Variants in GPCPD1 observed in about 807,000 individuals in gnomAD.
The protein encoded by GPCPD1 is glycerophosphocholine phosphodiesterase GPCPD1.
Under a neutral mutation model 89.2 loss-of-function variants are expected in GPCPD1, and 29 were observed. The observed-to-expected ratio is 0.33, with a 90% CI of 0.24 to 0.44. The LOEUF (loss-of-function observed/expected upper bound fraction) is 0.44, where lower values mean the gene tolerates loss of function less well. Among genes scored for constraint, GPCPD1 ranks in the 20% least tolerant of loss-of-function variants. GPCPD1 has a pLI of 1.00. For synonymous variants in GPCPD1, 258 were observed against 266.3 expected, an observed-to-expected ratio of 0.97 and a Z score of 0.30; for missense variants, 594 against 808.9, an observed-to-expected ratio of 0.73 and a Z score of 3.22.
At chr20:5,576,050 C>T (rs1272681626) in intron 8 of GPCPD1, 72 bp from the exon 9 acceptor site, 3 of 637,372 alleles carry the variant, frequency 4.7e-6, no homozygotes, top group Non-Finnish European at 8.3e-6. Context: ...TACACACACA[C>T]ACACACACAC....
intron 9 of GPCPD1, 96 bp from the exon 10 acceptor site, chr20:5,575,641 A>G: frequency 3.2e-6 from 3 of 944,158 alleles, no homozygotes; most frequent in Non-Finnish European, 4.8e-6. Context: ...AGTCAGCTTT[A>G]TCAGTTTCTG....
intron 19 of GPCPD1, among the ~76,000 whole-genome samples, chr20:5,550,136 G>A (rs1297032815): frequency 6.6e-6 from 1 of 151,950 alleles, no homozygotes; most frequent in Non-Finnish European, 1.5e-5. Flanking sequence ...AGAGGTTGCA[G>A]TGAGCCCAGA....
rs117978178 is a variant in GPCPD1 at position 5,567,322 on chromosome 20, T to C, written c.1227+161A>G. Among the ~76,000 whole-genome samples the C allele has an allele frequency of 3.3e-5, 5 of 152,238 alleles. No homozygotes were observed. In the East Asian group the frequency reaches 7.7e-4, roughly 24 times the overall value. On this transcript the variant is annotated intron_variant, in intron 13 of 19. Coordinates refer to ENST00000379019, the MANE Select transcript of GPCPD1 (RefSeq NM_019593.5). ...TGGTTGGAGAAGACAGCTGGATCGA[T>C]ACAGAACCCTTCTCCCAAACAGAAC...
chr20:5,552,564 T>C (rs1442472917), intron 19 of GPCPD1, among the ~76,000 whole-genome samples: 1 of 152,248 alleles, frequency 6.6e-6, no homozygotes, highest in Non-Finnish European at 1.5e-5. Flanking sequence ...TCAGAAAATA[T>C]TTGTAATCAT....
In GPCPD1 at chr20:5,568,055, T is replaced by C. The variant is rs559412586; in HGVS notation, c.1150-495A>G. ...AAATGTCATGAAAAAATTGTCTGAT[T>C]AGCTATAAACCATAATACTTAAGCA... On this transcript the variant is annotated intron_variant, in intron 12 of 19. Coordinates refer to ENST00000379019, the MANE Select transcript of GPCPD1 (RefSeq NM_019593.5). 3.9e-5 allele frequency among the ~76,000 whole-genome samples: 6 copies of C among 152,230 alleles called. No individual in the cohort carries two copies. In the East Asian group the frequency reaches 1.2e-3, roughly 29 times the overall value.
intron 19 of GPCPD1, among the ~76,000 whole-genome samples, chr20:5,557,106 A>G (rs1418128004): frequency 6.6e-6 from 1 of 152,256 alleles, no homozygotes; most frequent in African/African-American, 2.4e-5. Flanking sequence ...GTGGAAGGTC[A>G]GAGAGGGAAA....
At chr20:5,570,426 C>CCA (rs59192426) in intron 11 of GPCPD1, among the ~76,000 whole-genome samples, 187 bp from the exon 12 acceptor site, 1,814 of 85,780 alleles carry the variant, frequency 0.021, 55 homozygotes, top group African/African-American at 0.061. Flanking sequence ...TTTTTCCTGG[C>CCA]AAAAAAAAAA....
chr20:5,586,300 A>C, intron 4 of GPCPD1, 31 bp from the exon 5 acceptor site: 2 of 1,223,078 alleles, frequency 1.6e-6, no homozygotes, highest in Non-Finnish European at 2.4e-6. Context: ...GTCTGCAATA[A>C]TTTCTTATAT....
At position 5,549,731 on chromosome 20, in the gene GPCPD1, T is replaced by A. The variant is rs540348206; in HGVS notation, c.1830-1881A>T. 2.4e-3 allele frequency among the ~76,000 whole-genome samples: 281 copies of A among 118,410 alleles called. 1 individual carries two copies. Among genetic ancestry groups the A allele is most frequent in the African/African-American group, 9.2e-3 (266 of 29,002 alleles). 77.7% of individuals were successfully genotyped at this position (118,410 alleles called of 152,430 possible). On this transcript the variant is annotated intron_variant, in intron 19 of 19. Transcript: ENST00000379019. ...CTGCACTCCAACCTGGGCAGCAGAG[T>A]GAGAGAGAACCTGCCTCAAAAAAAA...
intron 1 of GPCPD1, among the ~76,000 whole-genome samples, chr20:5,605,505 C>T (rs1261567796): frequency 6.6e-6 from 1 of 151,266 alleles, no homozygotes; most frequent in Non-Finnish European, 1.5e-5. Flanking sequence ...GGAGTCCAGG[C>T]AAGTGGCTCA....
Position 5,582,059 on chromosome 20 carries a change from G to A in GPCPD1, c.350-1928C>T, listed in dbSNP as rs564127736. Among the ~76,000 whole-genome samples, 7 of 147,622 alleles carry A rather than the reference G, an allele frequency of 4.7e-5. No individual in the cohort carries two copies. The East Asian group carries it at 9.8e-4, about 21-fold the overall frequency. Reference sequence around the variant, plus strand: ...AAATTAGCCGGGCGTGGTAGCGGGCGCCTGTAGTCCCAGCTACTCGGGAGG... The same window carrying A: ...AAATTAGCCGGGCGTGGTAGCGGGCACCTGTAGTCCCAGCTACTCGGGAGG... On this transcript the variant is annotated intron_variant, in intron 6 of 19. Coordinates refer to ENST00000379019, the MANE Select transcript of GPCPD1 (RefSeq NM_019593.5).
intron 6 of GPCPD1, among the ~76,000 whole-genome samples, chr20:5,583,698 T>C (rs1600768890): frequency 6.6e-6 from 1 of 152,338 alleles, no homozygotes; most frequent in East Asian, 1.9e-4. Flanking sequence ...TAGAACTCTT[T>C]GGTTAGTCTG....
chr20:5,605,386 A>G (rs1980510501), intron 1 of GPCPD1, among the ~76,000 whole-genome samples: 1 of 152,212 alleles, frequency 6.6e-6, no homozygotes, highest in African/African-American at 2.4e-5. Flanking sequence ...CAAAGGAAAC[A>G]ACCAAAGTAT....
In GPCPD1 at chr20:5,559,959, C is replaced by T. The variant is rs1161635597; in HGVS notation, c.1513G>A (p.Asp505Asn). 1 of 1,547,038 alleles carries T rather than the reference C, an allele frequency of 6.5e-7. No individual in the cohort carries two copies. Among genetic ancestry groups the T allele is most frequent in the South Asian group, 1.2e-5 (1 of 83,792 alleles). ...ACTCACATTGTGCAAATATCTGCAT[C>T]AAATGAAGAAAACACTATTCTCCTC... Reference protein sequence around the residue: ...GKRRIVFSSFDADICTMVRQK... With the variant: ...GKRRIVFSSFNADICTMVRQK... The change falls in exon 17 of 20, where the codon GAT (aspartate) becomes AAT (asparagine). Residue 505 changes from aspartate to asparagine, a missense_variant. Physicochemically the swap from Asp to Asn is conservative, Grantham distance 23 (BLOSUM62 1). Coordinates refer to ENST00000379019, the MANE Select transcript of GPCPD1 (RefSeq NM_019593.5).
In GPCPD1 at chr20:5,570,188, C is replaced by G. The variant is rs41282128; in HGVS notation, c.1108G>C (p.Val370Leu). 3.4e-5 allele frequency: 54 copies of G among 1,594,210 alleles called. No homozygotes were observed. Among genetic ancestry groups the G allele is most frequent in the Non-Finnish European group, 4.3e-5 (50 of 1,163,060 alleles). Residue 370 changes from valine to leucine, a missense_variant, in exon 12 of 20, where the codon GTG (valine) becomes CTG (leucine). Coordinates refer to ENST00000379019, the MANE Select transcript of GPCPD1 (RefSeq NM_019593.5). ...CAACAGGTAAGATCATGATATACCA[C>G]GGGCACAAAGTCCTTTGAAAGGTGT... ...DVHLSKDFVP[V>L]VYHDLTCCLT...
At chr20:5,577,119 C>G (rs1358050405) in intron 8 of GPCPD1, among the ~76,000 whole-genome samples, 3 of 138,108 alleles carry the variant, frequency 2.2e-5, no homozygotes, top group African/African-American at 8.2e-5. Flanking sequence ...GGCTGGAGTG[C>G]AGTGGTGTGA....
intron 4 of GPCPD1, among the ~76,000 whole-genome samples, chr20:5,592,953 C>G (rs1979434310): frequency 6.6e-6 from 1 of 152,172 alleles, no homozygotes; most frequent in South Asian, 2.1e-4. Flanking sequence ...TCACTTAAAA[C>G]AGGCTATATA....
intron 14 of GPCPD1, 149 bp from the exon 15 acceptor site, chr20:5,565,227 CTTTT>C: frequency 2.1e-6 from 1 of 486,322 alleles, no homozygotes; most frequent in Non-Finnish European, 3.7e-6. Flanking sequence ...TCTGAGATCC[CTTTT>C]TTTTTTTTTA....
chr20:5,594,383 G>A (rs933852919), intron 3 of GPCPD1, among the ~76,000 whole-genome samples: 47 of 151,862 alleles, frequency 3.1e-4, no homozygotes, highest in African/African-American at 9.9e-4. Context: ...TCCGCCTCCC[G>A]GGTTCATGCT....
Sources: gnomAD v4.1 joint callset for allele counts (sites outside exome capture counted in the v4.1 genomes callset) on GRCh38, gnomAD v4.1.1 for gene constraint, MANE v1.5 for transcripts, NCBI Gene and HGNC (gene_info 2026-07-23, HGNC 2026-07-21) for gene names.